ANKRD27: variants seen among roughly 807,000 people sequenced by gnomAD.
ANKRD27 encodes ankyrin repeat domain-containing protein 27.
A neutral mutation model predicts 129.7 loss-of-function variants in ANKRD27; 112 were observed. The ratio of observed to expected loss-of-function variants is 0.86; its 90% CI spans 0.74 to 1.01. The LOEUF is 1.01. ANKRD27 is among the 50% of genes least tolerant of loss of function. The pLI, the probability that ANKRD27 is intolerant of heterozygous loss-of-function variation, is 0.00. For missense variants in ANKRD27, 1,258 were observed against 1,300.5 expected (o/e 0.97, Z 0.50); for synonymous variants, 516 against 511.2 (o/e 1.01, Z -0.13).
At chr19:32,648,753 T>C (rs1967351734) in intron 3 of ANKRD27, among the ~76,000 whole-genome samples, 1 of 147,858 alleles carries the variant, frequency 6.8e-6, no homozygotes, top group South Asian at 2.1e-4. Flanking sequence ...TGAGCTGTGA[T>C]AGCGCCACTG....
Position 32,605,473 on chromosome 19 carries a change from A to G in ANKRD27, c.2493+362T>C, listed in dbSNP as rs927239991. Reference sequence around the variant, plus strand: ...GTCATGGACAGGTTGGTTTTTCCCTACTTCTTTAAGAAATTCTAATGCATT... The same window carrying G: ...GTCATGGACAGGTTGGTTTTTCCCTGCTTCTTTAAGAAATTCTAATGCATT... On this transcript the variant is annotated intron_variant, in intron 24 of 28. Transcript: ENST00000306065. 2.6e-5 allele frequency among the ~76,000 whole-genome samples: 4 copies of G among 152,320 alleles called. 1 individual carries two copies. Among genetic ancestry groups the G allele is most frequent in the African/African-American group, 2.4e-5 (1 of 41,570 alleles).
chr19:32,660,026 A>G (rs1248274767), intron 1 of ANKRD27, among the ~76,000 whole-genome samples: 1 of 152,352 alleles, frequency 6.6e-6, no homozygotes, highest in African/African-American at 2.4e-5. Context: ...CGGGAGGCTA[A>G]GGCAGGAGGA....
chr19:32,603,827 C>T (rs1971688481), intron 25 of ANKRD27, among the ~76,000 whole-genome samples: 2 of 152,198 alleles, frequency 1.3e-5, no homozygotes, highest in African/African-American at 2.4e-5. Context: ...GCATGAGCCA[C>T]TGTGCCTGGC....
chr19:32,633,003 T>C (rs1967025687), intron 12 of ANKRD27, among the ~76,000 whole-genome samples: 1 of 152,194 alleles, frequency 6.6e-6, no homozygotes, highest in African/African-American at 2.4e-5. Context: ...CTGTGTGCCA[T>C]ATAAAGCTCT....
chr19:32,604,551 T>G, intron 24 of ANKRD27, 127 bp from the exon 25 acceptor site: 3 of 1,046,902 alleles, frequency 2.9e-6, no homozygotes, highest in South Asian at 4.4e-5. Flanking sequence ...TCCTTAAAAT[T>G]TGGGGAGGAA....
intron 24 of ANKRD27, 129 bp downstream of exon 24, chr19:32,605,706 C>T: frequency 2.3e-6 from 3 of 1,289,716 alleles, no homozygotes; most frequent in Non-Finnish European, 3.3e-6. Flanking sequence ...CCCTGCTCCT[C>T]TCCCCAGAGG....
intron 12 of ANKRD27, chr19:32,638,458 T>C (rs553450406): frequency 6.6e-6 from 1 of 152,330 alleles, no homozygotes; most frequent in African/African-American, 2.4e-5. Flanking sequence ...TTCCTCGACA[T>C]GGGACAAGAA....
chr19:32,622,743 T>C (rs1481077871), intron 17 of ANKRD27, 124 bp from the exon 18 acceptor site: 2 of 837,596 alleles, frequency 2.4e-6, no homozygotes, highest in Non-Finnish European at 4.0e-6. Context: ...AGTGTCACAG[T>C]ATCTGATCAG....
At chr19:32,660,297 C>T (rs941183602) in intron 1 of ANKRD27, among the ~76,000 whole-genome samples, 1 of 152,242 alleles carries the variant, frequency 6.6e-6, no homozygotes, top group African/African-American at 2.4e-5. Context: ...GTAATCCTCC[C>T]TTTGGGAGGC....
intron 2 of ANKRD27, among the ~76,000 whole-genome samples, chr19:32,651,739 T>C (rs1247815507): frequency 3.3e-5 from 5 of 152,104 alleles, no homozygotes; most frequent in Non-Finnish European, 7.4e-5. Flanking sequence ...CCCGCTTGTT[T>C]GCATCACCTT....
At chr19:32,619,970 C>T (rs1246291658) in intron 18 of ANKRD27, among the ~76,000 whole-genome samples, 2 of 152,082 alleles carry the variant, frequency 1.3e-5, no homozygotes, top group South Asian at 2.1e-4. Flanking sequence ...AGAGCCAAGC[C>T]GAGAAGGCAG....
intron 1 of ANKRD27, among the ~76,000 whole-genome samples, chr19:32,659,466 C>T (rs1206539959): frequency 6.6e-6 from 1 of 152,108 alleles, no homozygotes; most frequent in Non-Finnish European, 1.5e-5. Flanking sequence ...ACTCACTCCA[C>T]CAGGAAATCT....
intron 22 of ANKRD27, among the ~76,000 whole-genome samples, chr19:32,609,254 T>C (rs1044464669): frequency 3.9e-5 from 6 of 152,170 alleles, no homozygotes; most frequent in Admixed American, 6.5e-5. Flanking sequence ...ATCCTTACTA[T>C]ATAATCCAGC....
intron 1 of ANKRD27, among the ~76,000 whole-genome samples, chr19:32,662,041 G>A (rs1037816905): frequency 1.3e-5 from 2 of 152,082 alleles, no homozygotes; most frequent in Non-Finnish European, 2.9e-5. Context: ...GGCCAGGCAC[G>A]GTGGCTCACG....
Position 32,658,898 on chromosome 19 carries a change from G to C in ANKRD27, c.102+16C>G. The C allele has an allele frequency of 1.9e-6, 3 of 1,607,124 alleles. No individual in the cohort carries two copies. Among genetic ancestry groups the C allele is most frequent in the Non-Finnish European group, 2.6e-6 (3 of 1,173,716 alleles). ...CATTCATGCCTCAGGACAACCCCGA[G>C]GCTCAGTGCACTTACAATGCCATGG... On this transcript the variant is annotated intron_variant, in intron 2 of 28. Coordinates refer to ENST00000306065, the MANE Select transcript of ANKRD27 (RefSeq NM_032139.3).
At position 32,643,642 on chromosome 19, in the gene ANKRD27, T is replaced by C. The variant is rs781074836; in HGVS notation, c.526-11A>G. On this transcript the variant is annotated splice_polypyrimidine_tract_variant and intron_variant, in intron 5 of 28. Coordinates refer to ENST00000306065, the MANE Select transcript of ANKRD27 (RefSeq NM_032139.3). ...AGCATTCGCTGAGTCCTAAACCACATAGAGCAGAGGGACAGGCCACCCTTA... is the reference window on the plus strand; with the variant it reads ...AGCATTCGCTGAGTCCTAAACCACACAGAGCAGAGGGACAGGCCACCCTTA... 40 of 1,613,514 alleles carry C rather than the reference T, an allele frequency of 2.5e-5. No individual in the cohort carries two copies. Among genetic ancestry groups the C allele is most frequent in the African/African-American group, 6.7e-5 (5 of 74,748 alleles).
chr19:32,669,858 G>A (rs1267027116), intron 1 of ANKRD27, among the ~76,000 whole-genome samples: 3 of 151,912 alleles, frequency 2.0e-5, no homozygotes, highest in African/African-American at 7.3e-5. Context: ...TTAGCTGGGC[G>A]TGGTGATGGG....
intron 3 of ANKRD27, among the ~76,000 whole-genome samples, chr19:32,649,395 G>C (rs1317379309): frequency 2.0e-5 from 3 of 152,164 alleles, no homozygotes; most frequent in Non-Finnish European, 4.4e-5. Context: ...CATCAGCAAG[G>C]AGGAGGTGTT....
Position 32,600,880 on chromosome 19 carries a change from A to T in ANKRD27, c.2768-830T>A, listed in dbSNP as rs183638394. Among the ~76,000 whole-genome samples the T allele has an allele frequency of 1.2e-3, 175 of 148,902 alleles. 1 individual carries two copies. The highest frequency in any genetic ancestry group is 1.7e-3 in the Admixed American group (25 of 14,864). ...TGGATAATATTTCATATTGTAAATT[A>T]AAAAAAAAAGTAGAACAAGGACCCC... is the stretch of plus-strand genomic sequence containing the variant. On this transcript the variant is annotated intron_variant, in intron 26 of 28. Transcript: ENST00000306065.
Sources: gnomAD v4.1 joint callset for allele counts (sites outside exome capture counted in the v4.1 genomes callset) on GRCh38, gnomAD v4.1.1 for gene constraint, MANE v1.5 for transcripts, NCBI Gene and HGNC (gene_info 2026-07-23, HGNC 2026-07-21) for gene names.